TNIK: variants seen among roughly 807,000 people sequenced by gnomAD.
The protein encoded by TNIK is TRAF2 and NCK interacting kinase.
In TNIK, 49 loss-of-function variants were observed where a neutral mutation model predicts 191.3. The ratio of observed to expected loss-of-function variants is 0.26; its 90% CI spans 0.20 to 0.32. TNIK has a LOEUF of 0.32. TNIK is among the 10% of genes least tolerant of loss of function. The probability of loss-of-function intolerance (pLI) is 1.00; values close to 1 mark genes in which losing one functional copy is unlikely to be tolerated. For missense variants in TNIK, 1,155 were observed against 1,702.3 expected, an observed-to-expected ratio of 0.68 and a Z score of 5.66; for synonymous variants, 594 against 600.9, an observed-to-expected ratio of 0.99 and a Z score of 0.17.
intron 28 of TNIK, 111 bp from the exon 29 acceptor site, chr3:171,071,434 G>T (rs983941408): frequency 2.1e-5 from 17 of 799,050 alleles, no homozygotes; most frequent in Non-Finnish European, 1.5e-5. Context: ...TTGATGTTGG[G>T]TGTCAGCTTC....
chr3:171,223,593 A>G (rs143477163), intron 3 of TNIK, among the ~76,000 whole-genome samples: 28 of 152,302 alleles, frequency 1.8e-4, no homozygotes, highest in African/African-American at 6.7e-4. Flanking sequence ...TTTGGCAGCC[A>G]TGTTACATTG....
At chr3:171,122,888 T>C (rs1034280585) in intron 18 of TNIK, among the ~76,000 whole-genome samples, 1 of 152,130 alleles carries the variant, frequency 6.6e-6, no homozygotes, top group Non-Finnish European at 1.5e-5. Context: ...CCACAAAAAA[T>C]TTGCTCAGAC....
intron 9 of TNIK, among the ~76,000 whole-genome samples, chr3:171,173,732 C>T (rs1032621759): frequency 9.9e-5 from 15 of 151,964 alleles, no homozygotes; most frequent in Admixed American, 3.3e-4. Flanking sequence ...GAATACGTGT[C>T]CTGCAGCAGT....
At chr3:171,180,855 T>C (rs1736565599) in intron 7 of TNIK, among the ~76,000 whole-genome samples, 1 of 152,226 alleles carries the variant, frequency 6.6e-6, no homozygotes, top group South Asian at 2.1e-4. Context: ...ATCCATAAAA[T>C]AATTACTTCA....
At chr3:171,363,394 A>T (rs1230550185) in intron 2 of TNIK, among the ~76,000 whole-genome samples, 1 of 152,242 alleles carries the variant, frequency 6.6e-6, no homozygotes. Flanking sequence ...ACTTCTTAAG[A>T]GTAGGAACCT....
intron 2 of TNIK, among the ~76,000 whole-genome samples, chr3:171,278,999 C>G (rs1474177370): frequency 1.3e-5 from 2 of 152,106 alleles, no homozygotes; most frequent in Non-Finnish European, 2.9e-5. Context: ...CTCAGGCAGG[C>G]TGATGAGGAA....
intron 9 of TNIK, among the ~76,000 whole-genome samples, chr3:171,172,695 G>C (rs571129544): frequency 5.4e-4 from 82 of 152,188 alleles, no homozygotes; most frequent in African/African-American, 1.8e-3. Context: ...TTGTTTCCCC[G>C]GTCTCTCTCT....
chr3:171,404,597 C>A (rs1479008374), intron 1 of TNIK, among the ~76,000 whole-genome samples: 1 of 151,934 alleles, frequency 6.6e-6, no homozygotes, highest in Non-Finnish European at 1.5e-5. Context: ...CAGTCAAAGT[C>A]CTGCTTCACA....
In TNIK at chr3:171,219,081, AT is replaced by A. The variant is rs1485667087; in HGVS notation, c.181-7841del. ...TAATATATTAAATATATAAATATAT[AT>A]TTTATATAAATATATAATTATAAAT... is the stretch of plus-strand genomic sequence containing the variant. On this transcript the variant is annotated intron_variant, in intron 3 of 32. Transcript: ENST00000436636. Among the ~76,000 whole-genome samples the A allele has an allele frequency of 5.2e-4, 63 of 121,780 alleles. 1 individual carries two copies. Among genetic ancestry groups the A allele is most frequent in the African/African-American group, 2.2e-3 (57 of 26,230 alleles). The allele number at this position is 121,780 out of a possible 152,430, so 79.9% of individuals were successfully genotyped here.
intron 17 of TNIK, 22 bp from the exon 18 acceptor site, chr3:171,123,724 A>G (rs1728094251): frequency 1.3e-6 from 2 of 1,541,098 alleles, no homozygotes; most frequent in African/African-American, 2.7e-5. Context: ...CAGAATTCAG[A>G]AATATTTTCC....
At chr3:171,301,640 C>G (rs115160404) in intron 2 of TNIK, among the ~76,000 whole-genome samples, 1,907 of 152,248 alleles carry the variant, frequency 0.013, 43 homozygotes, top group African/African-American at 0.044. Context: ...CAACACTGCA[C>G]TGCATTATTA....
intron 2 of TNIK, among the ~76,000 whole-genome samples, chr3:171,267,937 T>A (rs1308562065): frequency 1.3e-5 from 2 of 152,190 alleles, no homozygotes; most frequent in African/African-American, 4.8e-5. Context: ...TCCCTGCCAA[T>A]TGCAAGCCTT....
At chr3:171,446,815 T>TA (rs113897065) in intron 1 of TNIK, among the ~76,000 whole-genome samples, 7,610 of 152,222 alleles carry the variant, frequency 0.05, 630 homozygotes, top group African/African-American at 0.17. Flanking sequence ...CTCCAATTCT[T>TA]AAAAAACTGA....
At chr3:171,071,152 A>C (rs1395390134) in intron 29 of TNIK, 71 bp downstream of exon 29, 7 of 1,179,756 alleles carry the variant, frequency 5.9e-6, no homozygotes, top group Non-Finnish European at 8.3e-6. Context: ...GTCTATATGG[A>C]CTATTTTATT....
At chr3:171,411,689 G>A (rs900601221) in intron 1 of TNIK, among the ~76,000 whole-genome samples, 1 of 152,076 alleles carries the variant, frequency 6.6e-6, no homozygotes, top group Non-Finnish European at 1.5e-5. Flanking sequence ...AAAACTTCAG[G>A]TTATTTTAAA....
intron 22 of TNIK, 40 bp from the exon 23 acceptor site, chr3:171,094,008 T>C: frequency 6.3e-7 from 1 of 1,597,848 alleles, no homozygotes; most frequent in Non-Finnish European, 8.5e-7. Flanking sequence ...AATGTATCTT[T>C]AGGAAATATC....
At chr3:171,295,027 G>GAGA (rs10665560) in intron 2 of TNIK, among the ~76,000 whole-genome samples, 157 of 149,174 alleles carry the variant, frequency 1.1e-3, no homozygotes, top group African/African-American at 3.7e-3. Flanking sequence ...GAGAGAGAGA[G>GAGA]GAAAAAAAAA....
intron 2 of TNIK, among the ~76,000 whole-genome samples, chr3:171,240,280 C>T (rs1211132481): frequency 6.6e-6 from 1 of 152,160 alleles, no homozygotes; most frequent in Non-Finnish European, 1.5e-5. Flanking sequence ...AGAGAATTGA[C>T]TATCTGTAGC....
chr3:171,185,368 C>A (rs1737234547), intron 7 of TNIK, among the ~76,000 whole-genome samples: 1 of 152,064 alleles, frequency 6.6e-6, no homozygotes, highest in African/African-American at 2.4e-5. Flanking sequence ...AAATGAAATT[C>A]AAAGTAGGTT....
Sources: gnomAD v4.1 joint callset for allele counts (sites outside exome capture counted in the v4.1 genomes callset) on GRCh38, gnomAD v4.1.1 for gene constraint, MANE v1.5 for transcripts, NCBI Gene and HGNC (gene_info 2026-07-23, HGNC 2026-07-21) for gene names.